TGIF1: variants seen among roughly 807,000 people sequenced by gnomAD.
TGIF1 encodes the protein homeobox protein TGIF1.
A neutral mutation model predicts 19.3 loss-of-function variants in TGIF1; 4 were observed. The observed-to-expected ratio is 0.21, with a 90% CI of 0.10 to 0.47. TGIF1 has a LOEUF of 0.47. TGIF1 is among the 20% of genes least tolerant of loss of function. The probability of loss-of-function intolerance (pLI) is 0.98; values close to 1 mark genes in which losing one functional copy is unlikely to be tolerated. For missense variants in TGIF1, 275 were observed against 341.4 expected, an observed-to-expected ratio of 0.81 and a Z score of 1.53; for synonymous variants, 122 against 129.3, an observed-to-expected ratio of 0.94 and a Z score of 0.38.
upstream of TGIF1, chr18:3,449,943 G>T (rs2082846318): frequency 1.0e-6 from 1 of 986,578 alleles, no homozygotes; most frequent in Non-Finnish European, 1.2e-6. Flanking sequence ...AGGGATGCGG[G>T]CGGTCCGTGC....
chr18:3,452,341 A>G (rs376558714), intron 1 of TGIF1: 73 of 1,613,176 alleles, frequency 4.5e-5, no homozygotes, highest in Middle Eastern at 1.6e-4. Flanking sequence ...CAGGGCGCAC[A>G]GGGTCCAGCT....
chr18:3,455,856 G>A (rs1236539591), intron 1 of TGIF1: 2 of 178,108 alleles, frequency 1.1e-5, no homozygotes, highest in South Asian at 1.2e-4. Flanking sequence ...AAAAATGTAC[G>A]AGTGCTCCCT....
chr18:3,444,790 A>G (rs2082719988), intron 2 of TGIF1, among the ~76,000 whole-genome samples: 1 of 152,256 alleles, frequency 6.6e-6, no homozygotes, highest in African/African-American at 2.4e-5. Flanking sequence ...AATAATGAAC[A>G]TACATTTGAG....
chr18:3,451,388 G>A lies in TGIF1; in HGVS notation c.16+883G>A, dbSNP rs2082921223. On this transcript the variant is annotated intron_variant, in intron 1 of 2. Transcript: ENST00000343820. The surrounding 1 kb of genome is among the most constrained non-coding windows in gnomAD (Gnocchi z 5.4). ...GAAACCACACAAAACACCCCGAAAG[G>A]TCAGAGTGTGAAGTCCCTTTTGAAG... 4 of 978,580 alleles carry A rather than the reference G, an allele frequency of 4.1e-6. No homozygotes were observed. The highest frequency in any genetic ancestry group is 4.8e-6 in the Non-Finnish European group (4 of 828,084). The allele number at this position is 978,580 out of a possible 1,614,324, so 60.6% of individuals were successfully genotyped here. A position where few individuals can be genotyped will look rare whatever the true frequency, so the allele number is the denominator to read the frequency against.
chr18:3,447,917 G>A (rs1321324174), upstream of TGIF1: 1 of 1,481,566 alleles, frequency 6.7e-7, no homozygotes, highest in East Asian at 2.3e-5. Context: ...TCCAATTCTC[G>A]GTTCCCATCT....
chr18:3,449,200 G>A (rs1044055520), upstream of TGIF1, among the ~76,000 whole-genome samples: 12 of 152,172 alleles, frequency 7.9e-5, no homozygotes, highest in African/African-American at 2.9e-4. Context: ...TTACTTAATG[G>A]CTAGTTTCTG....
At chr18:3,436,578 G>A (rs897336837) in intron 2 of TGIF1, among the ~76,000 whole-genome samples, 8 of 152,302 alleles carry the variant, frequency 5.3e-5, no homozygotes, top group Admixed American at 3.9e-4. Flanking sequence ...CAGCACTTTG[G>A]GAGGCTGAGG....
At chr18:3,449,861 C>A, upstream of TGIF1, 1 of 985,476 alleles carries the variant, frequency 1.0e-6, no homozygotes, top group Middle Eastern at 5.2e-4. Flanking sequence ...CAAACGCACC[C>A]TCGCCAGCCC....
At chr18:3,433,913 C>CA (rs1255199832) in intron 2 of TGIF1, among the ~76,000 whole-genome samples, 1 of 151,986 alleles carries the variant, frequency 6.6e-6, no homozygotes, top group Non-Finnish European at 1.5e-5. Flanking sequence ...ACCACATATA[C>CA]AAAAAAAGTA....
intron 2 of TGIF1, among the ~76,000 whole-genome samples, chr18:3,434,367 T>C (rs1486618387): frequency 2.0e-5 from 3 of 151,836 alleles, no homozygotes; most frequent in African/African-American, 7.3e-5. Context: ...AGAAACCCCG[T>C]CTCTACTAAA....
chr18:3,435,341 C>T (rs1163097873), intron 2 of TGIF1, among the ~76,000 whole-genome samples: 7 of 152,080 alleles, frequency 4.6e-5, no homozygotes, highest in East Asian at 3.9e-4. Flanking sequence ...GGACTGCAGG[C>T]GCATGCTGCC....
intron 1 of TGIF1, chr18:3,452,469 C>G: frequency 1.3e-6 from 2 of 1,587,674 alleles, no homozygotes; most frequent in Non-Finnish European, 1.7e-6. Flanking sequence ...TTTCTTTCCC[C>G]TTTTAGGTTT....
chr18:3,452,628 C>A (rs1411592720), intron 1 of TGIF1, among the ~76,000 whole-genome samples: 1 of 152,084 alleles, frequency 6.6e-6, no homozygotes, highest in East Asian at 1.9e-4. Context: ...GAGGAACTCT[C>A]AAGAACAAAA....
chr18:3,448,610 T>C, upstream of TGIF1: 15 of 985,464 alleles, frequency 1.5e-5, no homozygotes, highest in Non-Finnish European at 1.8e-5. Context: ...TGCTGCCTTC[T>C]TAGAGAGACG....
At chr18:3,444,483 C>T (rs971807503) in intron 2 of TGIF1, among the ~76,000 whole-genome samples, 1 of 152,122 alleles carries the variant, frequency 6.6e-6, no homozygotes, top group Non-Finnish European at 1.5e-5. Context: ...ACCCCAGTGT[C>T]TGATGTTTCC....
chr18:3,432,848 C>T (rs965892127), intron 2 of TGIF1, among the ~76,000 whole-genome samples: 14 of 151,934 alleles, frequency 9.2e-5, no homozygotes, highest in East Asian at 1.9e-4. Flanking sequence ...CAACCTCCGC[C>T]GCCTGGGTTC....
At chr18:3,426,755 G>A (rs1471639397) in intron 2 of TGIF1, among the ~76,000 whole-genome samples, 1 of 152,092 alleles carries the variant, frequency 6.6e-6, no homozygotes, top group Non-Finnish European at 1.5e-5. Context: ...TTGTTCTGAG[G>A]ATATAGCTTC....
At position 3,451,276 on chromosome 18, in the gene TGIF1, C is replaced by A; in HGVS notation, c.16+771C>A. ...CAAAGAGCAAGGCTGTCATTGTTTC[C>A]ACGAAGTGTTCTGGAAGCTTTACAA... On this transcript the variant is annotated intron_variant, in intron 1 of 2. Transcript: ENST00000343820. This position sits in a 1 kb window ranked among gnomAD's most constrained non-coding sequence, Gnocchi z 5.4. 1 of 831,472 alleles carries A rather than the reference C, an allele frequency of 1.2e-6. No individual in the cohort carries two copies. Among genetic ancestry groups the A allele is most frequent in the Non-Finnish European group, 1.4e-6 (1 of 690,218 alleles). 51.5% of individuals were successfully genotyped at this position (831,472 alleles called of 1,614,324 possible).
At chr18:3,419,812 C>A (rs554128761) in intron 2 of TGIF1, among the ~76,000 whole-genome samples, 2 of 152,234 alleles carry the variant, frequency 1.3e-5, no homozygotes, top group African/African-American at 4.8e-5. Context: ...TCAAGACCAG[C>A]CTGGCCAACA....
Sources: allele counts gnomAD v4.1 joint callset (sites outside exome capture counted in the v4.1 genomes callset), GRCh38; gene constraint gnomAD v4.1.1; non-coding constraint Gnocchi (gnomAD v3.1); transcripts MANE v1.5; gene names NCBI Gene and HGNC (gene_info 2026-07-23, HGNC 2026-07-21).